The following ANKRD55 variants were observed in gnomAD, a reference collection of about 807,000 sequenced individuals.
ANKRD55 encodes ankyrin repeat domain-containing protein 55.
Under a neutral mutation model 60.6 loss-of-function variants are expected in ANKRD55, and 41 were observed. That is an observed-to-expected ratio of 0.68 (90% CI 0.53 to 0.88). The LOEUF is 0.88. Ranked by LOEUF, ANKRD55 falls within the 40% of genes least tolerant of loss-of-function variation. The pLI is 0.00. For synonymous variants in ANKRD55, 264 were observed against 290.3 expected (o/e 0.91, Z 0.92); for missense variants, 732 against 767.6 (o/e 0.95, Z 0.55).
At position 56,100,243 on chromosome 5, in the gene ANKRD55, T is replaced by C. The variant is rs1177384407; in HGVS notation, c.1785A>G (p.Arg595=). Residue 595 remains arginine (R), a synonymous_variant, in exon 12 of 12, where the codon AGA becomes AGG. Coordinates refer to ENST00000341048, the MANE Select transcript of ANKRD55 (RefSeq NM_024669.3). The part of the protein sequence containing the change: ...RVLPAIPSQR[R]HSTAAEESEH... ...CACTCTCTTCTGCTGCTGTGCTGTG[T>C]CTTCGTTGACTTGGAATTGCAGGAA... The C allele has an allele frequency of 1.2e-6, 2 of 1,614,218 alleles. No homozygotes were observed. Among genetic ancestry groups the C allele is most frequent in the African/African-American group, 2.7e-5 (2 of 75,056 alleles).
At chr5:56,161,855 G>A in intron 5 of ANKRD55, 2 of 437,136 alleles carry the variant, frequency 4.6e-6, no homozygotes, top group Non-Finnish European at 6.1e-6. Context: ...AATTCTAGAT[G>A]TAGCCTTTGG....
intron 10 of ANKRD55, among the ~76,000 whole-genome samples, chr5:56,107,872 C>CTT (rs56958360): frequency 6.9e-6 from 1 of 145,728 alleles, no homozygotes. Context: ...TAGCAATAAA[C>CTT]TTTTTTTTTT....
intron 5 of ANKRD55, among the ~76,000 whole-genome samples, chr5:56,168,700 A>G (rs1758540911): frequency 6.6e-6 from 1 of 152,130 alleles, no homozygotes; most frequent in South Asian, 2.1e-4. Flanking sequence ...AGGGGAGACT[A>G]CTGTTCTCCT....
chr5:56,135,260 T>C (rs1352543747), intron 7 of ANKRD55, among the ~76,000 whole-genome samples: 45 of 99,904 alleles, frequency 4.5e-4, no homozygotes, highest in Admixed American at 9.1e-4. Flanking sequence ...CCTTCCTTCC[T>C]TCTTTCCCTC....
intron 2 of ANKRD55, among the ~76,000 whole-genome samples, chr5:56,216,435 ATC>A (rs1561296043): frequency 1.3e-5 from 2 of 152,150 alleles, no homozygotes; most frequent in African/African-American, 2.4e-5. Context: ...AGAGTCACAA[ATC>A]TCTCACTTTA....
intron 6 of ANKRD55, among the ~76,000 whole-genome samples, chr5:56,145,724 T>C (rs980260633): frequency 6.6e-6 from 1 of 152,218 alleles, no homozygotes; most frequent in Non-Finnish European, 1.5e-5. Context: ...GACACTAGAA[T>C]TAGAAAATCC....
intron 2 of ANKRD55, among the ~76,000 whole-genome samples, chr5:56,205,199 T>C (rs1388283764): frequency 3.3e-5 from 5 of 152,316 alleles, no homozygotes; most frequent in East Asian, 3.9e-4. Flanking sequence ...TAGTTGGGAT[T>C]ACAGGTGCCT....
In ANKRD55 at chr5:56,111,373, G is replaced by C. The variant is rs763391107; in HGVS notation, c.1375C>G (p.Leu459Val). The C allele has an allele frequency of 5.0e-6, 8 of 1,614,176 alleles. 1 individual carries two copies. The South Asian group carries it at 6.6e-5, about 13-fold the overall frequency. The change falls in exon 10 of 12, where the codon CTG becomes GTG. Residue 459 changes from leucine (L) to valine (V), a missense_variant. Transcript: ENST00000341048. ...ASHRATSHAG[L>V]SSAPHHMAQR... ...GCCATATGATGAGGAGCAGAGCTCA[G>C]GCCTGCATGGGAAGTGGCCCTATGG...
chr5:56,205,726 G>T (rs1388510404), intron 2 of ANKRD55, among the ~76,000 whole-genome samples: 1 of 152,118 alleles, frequency 6.6e-6, no homozygotes, highest in Non-Finnish European at 1.5e-5. Context: ...CCTCTACTGT[G>T]CCCACTTATA....
Position 56,159,893 on chromosome 5 carries a change from C to A in ANKRD55, c.423G>T (p.Arg141Ser), listed in dbSNP as rs775050737. Residue 141 changes from arginine (R) to serine (S), a missense_variant and splice_region_variant, in exon 6 of 12, where the codon AGG (arginine) becomes AGT (serine). Around this residue, in one of 3 missense-constraint regions of ANKRD55, gnomAD observed 597 missense variants for 607.5 expected, o/e 0.98. Coordinates refer to ENST00000341048, the MANE Select transcript of ANKRD55 (RefSeq NM_024669.3). ...LHAATAEPDMRLLTVLLQQSN... is the reference protein window; with the variant it reads ...LHAATAEPDMSLLTVLLQQSN... ...ACTGTTGCAACAGGACCGTGAGGAG[C>A]CTGTAAGGAAAAAATAGGAGAAATG... The A allele has an allele frequency of 1.2e-5, 20 of 1,612,834 alleles. No individual in the cohort carries two copies. Among genetic ancestry groups the A allele is most frequent in the Non-Finnish European group, 1.6e-5 (19 of 1,179,194 alleles).
intron 10 of ANKRD55, among the ~76,000 whole-genome samples, chr5:56,106,841 TACAAAAAAATGATG>T (rs1233601985): frequency 2.7e-5 from 4 of 149,796 alleles, no homozygotes; most frequent in African/African-American, 1.0e-4. Context: ...CCCTTGTCTC[TACAAAAAAATGATG>T]ACAAAAAAAT....
intron 7 of ANKRD55, among the ~76,000 whole-genome samples, chr5:56,135,278 C>CTTGCTTGCTTG (rs1580969142): frequency 1.3e-5 from 1 of 76,948 alleles, no homozygotes; most frequent in African/African-American, 5.4e-5. Context: ...CTCCCTCCCT[C>CTTGCTTGCTTG]CCTGCCTGCC....
rs1760087614 is a variant in ANKRD55, at chr5:56,225,500, A to T, written c.58+7356T>A. ...TCCGGCCAAGGCAATCAGGCAGGAG[A>T]AATAAATAAAGAGTATTCAATTAGG... On this transcript the variant is annotated intron_variant, in intron 2 of 11. Transcript: ENST00000341048. 2.0e-5 allele frequency among the ~76,000 whole-genome samples: 3 copies of T among 152,340 alleles called. No homozygotes were observed. In the South Asian group the frequency reaches 6.2e-4, roughly 32 times the overall value.
intron 2 of ANKRD55, among the ~76,000 whole-genome samples, chr5:56,187,409 C>A (rs542925888): frequency 6.6e-6 from 1 of 152,230 alleles, no homozygotes; most frequent in Non-Finnish European, 1.5e-5. Flanking sequence ...CCCAGGCATT[C>A]GAGCTGGCAA....
chr5:56,222,252 C>T (rs1030355967), intron 2 of ANKRD55, among the ~76,000 whole-genome samples: 7 of 152,150 alleles, frequency 4.6e-5, no homozygotes, highest in African/African-American at 1.7e-4. Flanking sequence ...AGTGGACCTC[C>T]AGCAAACACC....
chr5:56,210,132 T>C (rs938380172), intron 2 of ANKRD55, among the ~76,000 whole-genome samples: 1 of 152,060 alleles, frequency 6.6e-6, no homozygotes, highest in Non-Finnish European at 1.5e-5. Flanking sequence ...CTCAGCCTCC[T>C]GAGTAGCTGG....
At chr5:56,184,762 G>T (rs547219195) in intron 2 of ANKRD55, among the ~76,000 whole-genome samples, 6 of 152,184 alleles carry the variant, frequency 3.9e-5, no homozygotes, top group Admixed American at 3.3e-4. Flanking sequence ...GCTGGGCATT[G>T]TGGTGGGTAC....
chr5:56,104,443 G>T (rs749241765), intron 10 of ANKRD55, among the ~76,000 whole-genome samples: 2 of 152,130 alleles, frequency 1.3e-5, no homozygotes, highest in African/African-American at 2.4e-5. Flanking sequence ...GCAGTGACTC[G>T]GAGATGAAGG....
chr5:56,116,171 T>G (rs1415833224), intron 9 of ANKRD55, among the ~76,000 whole-genome samples: 1 of 152,170 alleles, frequency 6.6e-6, no homozygotes, highest in Non-Finnish European at 1.5e-5. Context: ...TTTTAATTTC[T>G]AATGCCATAA....
Sources: allele counts gnomAD v4.1 joint callset (sites outside exome capture counted in the v4.1 genomes callset), GRCh38; gene constraint gnomAD v4.1.1; regional missense constraint gnomAD v4.1.1; transcripts MANE v1.5; gene names NCBI Gene and HGNC (gene_info 2026-07-23, HGNC 2026-07-21).